PRKN: variants seen among roughly 807,000 people sequenced by gnomAD.
PRKN encodes the protein E3 ubiquitin-protein ligase parkin.
In PRKN, 56 loss-of-function variants were observed where a neutral mutation model predicts 59.5. The ratio of observed to expected loss-of-function variants is 0.94; its 90% CI spans 0.76 to 1.18. The LOEUF (loss-of-function observed/expected upper bound fraction) is 1.18, where lower values mean the gene tolerates loss of function less well. Among genes scored for constraint, PRKN ranks in the 50% most tolerant of loss-of-function variants. The pLI, the probability that PRKN is intolerant of heterozygous loss-of-function variation, is 0.00. For synonymous variants in PRKN, 250 were observed against 222.1 expected, an observed-to-expected ratio of 1.13 and a Z score of -1.12; for missense variants, 657 against 596.4, an observed-to-expected ratio of 1.10 and a Z score of -1.06.
intron 10 of PRKN, among the ~76,000 whole-genome samples, chr6:161,375,363 C>G (rs1314826611): frequency 6.6e-6 from 1 of 152,278 alleles, no homozygotes; most frequent in East Asian, 1.9e-4. Flanking sequence ...TGGTCAGGAT[C>G]GGCCTCCAGG....
intron 1 of PRKN, among the ~76,000 whole-genome samples, chr6:162,521,580 T>G (rs1272301385): frequency 6.6e-6 from 1 of 152,148 alleles, no homozygotes; most frequent in African/African-American, 2.4e-5. Flanking sequence ...AAACTCAGTT[T>G]GTTGGAAAAA....
chr6:162,249,733 A>C (rs1779345849), intron 3 of PRKN, among the ~76,000 whole-genome samples: 1 of 152,232 alleles, frequency 6.6e-6, no homozygotes, highest in African/African-American at 2.4e-5. Flanking sequence ...AGCAAACTCA[A>C]GCAGGCCTAT....
chr6:161,441,966 A>G (rs1013481706), intron 9 of PRKN, among the ~76,000 whole-genome samples: 2 of 152,206 alleles, frequency 1.3e-5, no homozygotes, highest in African/African-American at 4.8e-5. Flanking sequence ...CCTCATGCCA[A>G]TCAGCCCAGC....
intron 2 of PRKN, among the ~76,000 whole-genome samples, chr6:162,282,158 C>T (rs893670342): frequency 6.6e-6 from 1 of 152,124 alleles, no homozygotes; most frequent in Non-Finnish European, 1.5e-5. Context: ...TATAGAGCAA[C>T]GCATGGGCAA....
chr6:161,472,321 T>C (rs1426351186), intron 9 of PRKN, among the ~76,000 whole-genome samples: 1 of 152,168 alleles, frequency 6.6e-6, no homozygotes, highest in Non-Finnish European at 1.5e-5. Flanking sequence ...ACCCAATCCA[T>C]GACACCTACT....
Position 162,101,326 on chromosome 6 carries a change from G to A in PRKN, c.535-47152C>T, listed in dbSNP as rs187979146. Among the ~76,000 whole-genome samples, 344 of 151,288 alleles carry A rather than the reference G, an allele frequency of 2.3e-3. 2 individuals are homozygous for A. The highest frequency in any genetic ancestry group is 2.7e-3 in the Non-Finnish European group (181 of 67,864). ...TCCAGTTGTTCCAACACCACTTATGGAAGAGACAGTACTTTCCCCGTTATG... is the reference window on the plus strand; with the variant it reads ...TCCAGTTGTTCCAACACCACTTATGAAAGAGACAGTACTTTCCCCGTTATG... On this transcript the variant is annotated intron_variant, in intron 4 of 11. Coordinates refer to ENST00000366898, the MANE Select transcript of PRKN (RefSeq NM_004562.3).
intron 6 of PRKN, among the ~76,000 whole-genome samples, chr6:161,858,759 A>T (rs1318711135): frequency 6.6e-6 from 1 of 151,342 alleles, no homozygotes; most frequent in African/African-American, 2.4e-5. Context: ...TCTCTTAGGG[A>T]CCATGGCAGA....
intron 7 of PRKN, among the ~76,000 whole-genome samples, chr6:161,696,718 ATTG>A (rs1361458888): frequency 1.3e-5 from 2 of 152,294 alleles, no homozygotes; most frequent in East Asian, 1.9e-4. Context: ...AGTTTTATTT[ATTG>A]TTAAGATTAT....
chr6:161,639,889 G>A (rs867043701), intron 7 of PRKN, among the ~76,000 whole-genome samples: 1 of 152,148 alleles, frequency 6.6e-6, no homozygotes, highest in Non-Finnish European at 1.5e-5. Flanking sequence ...TCTGCTCTGT[G>A]GGGGACTGCT....
At chr6:161,746,853 T>C (rs1788452871) in intron 7 of PRKN, among the ~76,000 whole-genome samples, 1 of 149,536 alleles carries the variant, frequency 6.7e-6, no homozygotes, top group Non-Finnish European at 1.5e-5. Flanking sequence ...TATATGTATG[T>C]ATCTATATAT....
At chr6:162,620,780 C>G (rs1318622755) in intron 1 of PRKN, among the ~76,000 whole-genome samples, 1 of 152,140 alleles carries the variant, frequency 6.6e-6, no homozygotes, top group African/African-American at 2.4e-5. Context: ...CCTCCAACTC[C>G]TGGCATTAAG....
intron 7 of PRKN, among the ~76,000 whole-genome samples, chr6:161,702,996 A>G (rs1786316856): frequency 6.6e-6 from 1 of 151,730 alleles, no homozygotes; most frequent in Admixed American, 6.6e-5. Flanking sequence ...GAATTTAAAT[A>G]TATAAACAAT....
At chr6:161,452,854 T>TTC (rs138156168) in intron 9 of PRKN, among the ~76,000 whole-genome samples, 6,788 of 149,554 alleles carry the variant, frequency 0.045, 235 homozygotes, top group Non-Finnish European at 0.064. Flanking sequence ...TAAATCCAAA[T>TTC]TCTCTCTCTC....
chr6:162,679,116 GAAT>G (rs1562491181), intron 1 of PRKN, among the ~76,000 whole-genome samples: 20 of 72,120 alleles, frequency 2.8e-4, no homozygotes, highest in African/African-American at 8.9e-4. Flanking sequence ...ATTTATGAAT[GAAT>G]GAGACAGTTT....
At chr6:162,537,351 TCAC>T (rs1778760743) in intron 1 of PRKN, among the ~76,000 whole-genome samples, 3 of 152,190 alleles carry the variant, frequency 2.0e-5, no homozygotes, top group Admixed American at 1.3e-4. Context: ...CCAACAAGTA[TCAC>T]CACATGTTCC....
Position 162,262,666 on chromosome 6 carries a change from C to T in PRKN, c.271G>A (p.Ala91Thr), listed in dbSNP as rs552077922. 6.2e-6 allele frequency: 10 copies of T among 1,613,438 alleles called. No homozygotes were observed. Among genetic ancestry groups the T allele is most frequent in the East Asian group, 4.5e-5 (2 of 44,834 alleles). Residue 91 changes from alanine (A) to threonine (T), a missense_variant, in exon 3 of 12, where the codon GCG becomes ACG. Physicochemically the swap from Ala to Thr is moderately conservative, Grantham distance 58. Coordinates refer to ENST00000366898, the MANE Select transcript of PRKN (RefSeq NM_004562.3). ...NATGGDDPRN[A>T]AGGCEREPQS... Reference sequence around the variant, plus strand: ...GGCTCCCGCTCACAGCCTCCCGCCGCGTTTCTGGGGTCGTCGCCTCCAGTT... The same window carrying T: ...GGCTCCCGCTCACAGCCTCCCGCCGTGTTTCTGGGGTCGTCGCCTCCAGTT...
chr6:162,500,204 A>C (rs1793300639), intron 1 of PRKN, among the ~76,000 whole-genome samples: 9 of 132,326 alleles, frequency 6.8e-5, no homozygotes, highest in Admixed American at 1.6e-4. Flanking sequence ...ACAGAGTTTC[A>C]CTCTGTTACC....
intron 1 of PRKN, among the ~76,000 whole-genome samples, chr6:162,492,490 C>T (rs1173479194): frequency 3.9e-5 from 6 of 152,196 alleles, no homozygotes; most frequent in Admixed American, 3.9e-4. Context: ...TGGCCTCACA[C>T]ACCTGAAAGT....
chr6:162,253,368 T>C (rs1426794968), intron 3 of PRKN, among the ~76,000 whole-genome samples: 1 of 152,144 alleles, frequency 6.6e-6, no homozygotes, highest in South Asian at 2.1e-4. Flanking sequence ...ATGACTGCTG[T>C]TGCTTGTCAC....
Sources: allele counts gnomAD v4.1 joint callset (sites outside exome capture counted in the v4.1 genomes callset), GRCh38; gene constraint gnomAD v4.1.1; transcripts MANE v1.5; gene names NCBI Gene and HGNC (gene_info 2026-07-23, HGNC 2026-07-21).